PIK3R4: variants seen among roughly 807,000 people sequenced by gnomAD.
The protein encoded by PIK3R4 is phosphoinositide 3-kinase regulatory subunit 4.
A neutral mutation model predicts 136.5 loss-of-function variants in PIK3R4; 46 were observed. The ratio of observed to expected loss-of-function variants is 0.34; its 90% CI spans 0.27 to 0.43. PIK3R4 has a LOEUF of 0.43. Among genes scored for constraint, PIK3R4 ranks in the 20% least tolerant of loss-of-function variants. The pLI is 1.00. For missense variants in PIK3R4, 1,331 were observed against 1,649.5 expected (o/e 0.81, Z 3.35); for synonymous variants, 557 against 566.7 (o/e 0.98, Z 0.24).
intron 18 of PIK3R4, 92 bp downstream of exon 18, chr3:130,680,885 T>G: frequency 1.3e-6 from 1 of 780,894 alleles, no homozygotes; most frequent in Non-Finnish European, 2.1e-6. Context: ...CAGCTGTCCT[T>G]ATAAGATGAT....
intron 6 of PIK3R4, among the ~76,000 whole-genome samples, chr3:130,727,825 CCACTT>C (rs1366866492): frequency 2.6e-5 from 4 of 152,050 alleles, no homozygotes; most frequent in African/African-American, 4.8e-5. Flanking sequence ...AAAATACTGT[CCACTT>C]CATTTACTTC....
chr3:130,743,759 A>C (rs2066837440), intron 2 of PIK3R4, among the ~76,000 whole-genome samples: 1 of 152,202 alleles, frequency 6.6e-6, no homozygotes, highest in Non-Finnish European at 1.5e-5. Context: ...GGACTGTGGC[A>C]GTTTTCTCCT....
chr3:130,741,125 C>G (rs2066821118), intron 2 of PIK3R4, among the ~76,000 whole-genome samples: 1 of 152,154 alleles, frequency 6.6e-6, no homozygotes. Context: ...TATGTTTAAT[C>G]TCCATACCTT....
At chr3:130,708,522 T>C in intron 9 of PIK3R4, 30 bp from the exon 10 acceptor site, 1 of 1,563,866 alleles carries the variant, frequency 6.4e-7, no homozygotes, top group Non-Finnish European at 8.8e-7. Context: ...TATGTTCTAG[T>C]TTATTTTCAC....
At chr3:130,742,383 G>A (rs1027444199) in intron 2 of PIK3R4, among the ~76,000 whole-genome samples, 1 of 152,124 alleles carries the variant, frequency 6.6e-6, no homozygotes, top group Non-Finnish European at 1.5e-5. Flanking sequence ...ACCTATGAAT[G>A]ATCCCCTGAA....
At position 130,723,062 on chromosome 3, in the gene PIK3R4, CAAAAAAAAAAAAAAAAAAA is replaced by C. The variant is rs61129038; in HGVS notation, c.1981+333_1981+351del. Among the ~76,000 whole-genome samples the C allele has an allele frequency of 1.3e-3, 26 of 19,502 alleles. No homozygotes were observed. The South Asian group carries it at 0.048, about 36-fold the overall frequency. 12.8% of individuals were successfully genotyped at this position (19,502 alleles called of 152,430 possible). ...TGGGTGACAGAGTGAGAGACTGTCG[CAAAAAAAAAAAAAAAAAAA>C]AAAAAAAAAAAAAAAATTAAAAATA... is the stretch of plus-strand genomic sequence containing the variant. On this transcript the variant is annotated intron_variant, in intron 7 of 19. Transcript: ENST00000356763.
intron 2 of PIK3R4, among the ~76,000 whole-genome samples, chr3:130,739,394 C>T (rs2066807443): frequency 6.6e-6 from 1 of 151,894 alleles, no homozygotes; most frequent in African/African-American, 2.4e-5. Context: ...TTTTTTGATA[C>T]AAGGTCTCAC....
intron 14 of PIK3R4, among the ~76,000 whole-genome samples, 157 bp downstream of exon 14, chr3:130,690,333 A>AT (rs2066509400): frequency 6.7e-6 from 1 of 150,218 alleles, no homozygotes; most frequent in Non-Finnish European, 1.5e-5. Context: ...CATTTTTAAA[A>AT]TTTTATTTAT....
At chr3:130,735,608 T>C (rs1278228133) in intron 3 of PIK3R4, among the ~76,000 whole-genome samples, 1 of 152,096 alleles carries the variant, frequency 6.6e-6, no homozygotes, top group Non-Finnish European at 1.5e-5. Context: ...TCCTTCCAAA[T>C]CTGTAAAAAG....
chr3:130,746,695 G>T lies in PIK3R4; in HGVS notation c.-424C>A. The stretch of plus-strand genomic sequence containing the variant: ...CTACACCCGTCCGAGCCCTCCTCGA[G>T]GGCCTCACCACCGGGCGGGGGGAGA... On this transcript the variant is annotated 5_prime_UTR_variant, in exon 1 of 20. Coordinates refer to ENST00000356763, the MANE Select transcript of PIK3R4 (RefSeq NM_014602.3). 6.6e-6 allele frequency: 1 copy of T among 152,450 alleles called. No individual in the cohort carries two copies. The highest frequency in any genetic ancestry group is 1.5e-5 in the Non-Finnish European group (1 of 68,146). The allele number at this position is 152,450 out of a possible 1,614,324, so 9.4% of individuals were successfully genotyped here.
At chr3:130,731,272 TA>T (rs1448488971) in intron 4 of PIK3R4, among the ~76,000 whole-genome samples, 1 of 152,248 alleles carries the variant, frequency 6.6e-6, no homozygotes, top group Non-Finnish European at 1.5e-5. Flanking sequence ...GCACTGAACG[TA>T]AAGTTTAACT....
rs753449334 is a variant in PIK3R4 at position 130,681,051 on chromosome 3, G to A, written c.3723C>T (p.Ser1241=). The A allele has an allele frequency of 1.6e-5, 25 of 1,576,810 alleles. No individual in the cohort carries two copies. The highest frequency in any genetic ancestry group is 2.2e-5 in the East Asian group (1 of 44,644). ...PLSELQPSPH[S]VHGIYCSPAD... ...CAGGACTACAGTAGATACCATGGAC[G>A]CTATGAGGAGAAGGCTTAAAAGAAA... The change falls in exon 18 of 20, where the codon AGC becomes AGT. Residue 1241 remains serine, a synonymous_variant. Transcript: ENST00000356763.
At chr3:130,690,262 T>C (rs1451103134) in intron 14 of PIK3R4, among the ~76,000 whole-genome samples, 2 of 152,124 alleles carry the variant, frequency 1.3e-5, no homozygotes, top group Non-Finnish European at 2.9e-5. Context: ...TTGCAGAAGA[T>C]AAGATACATA....
chr3:130,716,533 C>T lies in PIK3R4; in HGVS notation c.2194G>A (p.Ala732Thr). 6.2e-7 allele frequency: 1 copy of T among 1,613,872 alleles called. No individual in the cohort carries two copies. Among genetic ancestry groups the T allele is most frequent in the East Asian group, 2.2e-5 (1 of 44,874 alleles). ...CTAGTAATATCTTTAGACCTCAAAG[C>T]ATAATCAAATATAGAACGACTTACT... ...EPVSRSIFDY[A>T]LRSKDITSLF... The change falls in exon 9 of 20, where the codon GCT (alanine) becomes ACT (threonine). Residue 732 changes from alanine to threonine, a missense_variant. Ala to Thr is a moderately conservative substitution (Grantham distance 58). Coordinates refer to ENST00000356763, the MANE Select transcript of PIK3R4 (RefSeq NM_014602.3).
At chr3:130,739,202 G>A (rs1000473057) in intron 2 of PIK3R4, among the ~76,000 whole-genome samples, 2 of 152,216 alleles carry the variant, frequency 1.3e-5, no homozygotes, top group East Asian at 1.9e-4. Flanking sequence ...TCAGCCTCCC[G>A]AGTAGCTGGG....
chr3:130,722,673 C>T (rs1464476934), intron 7 of PIK3R4, among the ~76,000 whole-genome samples: 1 of 152,040 alleles, frequency 6.6e-6, no homozygotes, highest in Non-Finnish European at 1.5e-5. Context: ...CCTTCACATC[C>T]AATTTTCAAC....
At chr3:130,740,363 A>C (rs1338016947) in intron 2 of PIK3R4, among the ~76,000 whole-genome samples, 1 of 152,242 alleles carries the variant, frequency 6.6e-6, no homozygotes, top group African/African-American at 2.4e-5. Context: ...TAGAATAAAA[A>C]GTGTAATTAC....
chr3:130,700,645 C>T (rs1330631092), intron 13 of PIK3R4, among the ~76,000 whole-genome samples: 1 of 152,208 alleles, frequency 6.6e-6, no homozygotes, highest in Non-Finnish European at 1.5e-5. Context: ...GGACTGGGAA[C>T]TGAATGGTCT....
At chr3:130,684,929 A>C (rs7644674) in intron 15 of PIK3R4, among the ~76,000 whole-genome samples, 5,539 of 152,334 alleles carry the variant, frequency 0.036, 358 homozygotes, top group African/African-American at 0.13. Flanking sequence ...AAAAAAATGC[A>C]TTCCATATAA....
Sources: gnomAD v4.1 joint callset for allele counts (sites outside exome capture counted in the v4.1 genomes callset) on GRCh38, gnomAD v4.1.1 for gene constraint, MANE v1.5 for transcripts, NCBI Gene and HGNC (gene_info 2026-07-23, HGNC 2026-07-21) for gene names.